Variants in RHBDF2 observed in about 807,000 individuals in gnomAD.
The protein encoded by RHBDF2 is inactive rhomboid protein 2.
In RHBDF2, 38 loss-of-function variants were observed where a neutral mutation model predicts 95.2. The ratio of observed to expected loss-of-function variants is 0.40; its 90% CI spans 0.31 to 0.52. The LOEUF is 0.52. Among genes scored for constraint, RHBDF2 ranks in the 20% least tolerant of loss-of-function variants. RHBDF2 has a pLI of 0.56. For missense variants in RHBDF2, 863 were observed against 1,137.7 expected (o/e 0.76, Z 3.47); for synonymous variants, 442 against 462.0 (o/e 0.96, Z 0.55).
intron 3 of RHBDF2, 152 bp from the exon 4 acceptor site, chr17:76,480,006 AATGTGTGTGTGT>A: frequency 1.7e-6 from 1 of 598,228 alleles, no homozygotes; most frequent in Non-Finnish European, 2.5e-6. Context: ...ATATATATAT[AATGTGTGTGTGT>A]GTGTGTGTGT....
intron 2 of RHBDF2, among the ~76,000 whole-genome samples, chr17:76,486,077 T>TACACAC (rs57942849): frequency 0.032 from 4,670 of 144,830 alleles, 82 homozygotes; most frequent in East Asian, 0.065. Flanking sequence ...TATATATATG[T>TACACAC]ACACACACAC....
intron 2 of RHBDF2, among the ~76,000 whole-genome samples, chr17:76,486,439 G>A (rs532645756): frequency 6.6e-6 from 1 of 152,280 alleles, no homozygotes; most frequent in South Asian, 2.1e-4. Flanking sequence ...AAGGTTGGGA[G>A]CGGTGGTTCA....
chr17:76,484,633 T>C (rs4789302), intron 2 of RHBDF2, among the ~76,000 whole-genome samples: 90,718 of 151,702 alleles, frequency 0.6, 27,579 homozygotes, highest in Middle Eastern at 0.75. Context: ...CCCAAAAGCA[T>C]AGATCACACC....
In RHBDF2 at chr17:76,477,000, G is replaced by A. The variant is rs762459842; in HGVS notation, c.945C>T (p.Val315=). The change falls in exon 9 of 19, where the codon GTC becomes GTT. Residue 315 remains valine, a synonymous_variant. Coordinates refer to ENST00000675367, the MANE Select transcript of RHBDF2 (RefSeq NM_001005498.4). ...IPLKEYGRAP[V]PGPRRGKRIA... ...TGCGCTTGCCGCGCCGGGGCCCGGG[G>A]ACTGGGGCTCGGCCATACTCCTTCC... The A allele has an allele frequency of 2.5e-6, 4 of 1,613,840 alleles. No individual in the cohort carries two copies. The highest frequency in any genetic ancestry group is 2.2e-5 in the East Asian group (1 of 44,882).
At chr17:76,488,688 C>T (rs1342762686) in intron 1 of RHBDF2, among the ~76,000 whole-genome samples, 1 of 152,112 alleles carries the variant, frequency 6.6e-6, no homozygotes, top group East Asian at 1.9e-4. Flanking sequence ...GTGGCTCACG[C>T]CTGTAATCCC....
intron 1 of RHBDF2, among the ~76,000 whole-genome samples, chr17:76,492,216 A>C (rs556525980): frequency 7.8e-4 from 118 of 152,218 alleles, no homozygotes; most frequent in African/African-American, 2.6e-3. Context: ...GGAAATCCTG[A>C]AAAAAAGTGA....
intron 1 of RHBDF2, among the ~76,000 whole-genome samples, chr17:76,496,915 C>T (rs1185694572): frequency 6.6e-6 from 1 of 152,186 alleles, no homozygotes; most frequent in African/African-American, 2.4e-5. Context: ...GTGCATGCCA[C>T]CACACCTGGC....
Position 76,481,413 on chromosome 17 carries a change from T to C in RHBDF2, c.112A>G (p.Thr38Ala). 1 of 1,612,526 alleles carries C rather than the reference T, an allele frequency of 6.2e-7. No homozygotes were observed. Among genetic ancestry groups the C allele is most frequent in the Non-Finnish European group, 8.5e-7 (1 of 1,179,930 alleles). The change falls in exon 3 of 19, where the codon ACC (threonine) becomes GCC (alanine). Residue 38 changes from threonine to alanine, a missense_variant. Physicochemically the swap from Thr to Ala is moderately conservative, Grantham distance 58. Coordinates refer to ENST00000675367, the MANE Select transcript of RHBDF2 (RefSeq NM_001005498.4). Reference sequence around the variant, plus strand: ...CTGTCCTGCTCGCCAGGGGCCTGGGTCTCTTTCTCGGGTGGCGGGATGGTG... The same window carrying C: ...CTGTCCTGCTCGCCAGGGGCCTGGGCCTCTTTCTCGGGTGGCGGGATGGTG... ...SITIPPPEKETQAPGEQDSML... is the reference protein window; with the variant it reads ...SITIPPPEKEAQAPGEQDSML...
intron 1 of RHBDF2, among the ~76,000 whole-genome samples, chr17:76,498,025 G>A (rs1314902216): frequency 2.0e-5 from 3 of 152,170 alleles, no homozygotes; most frequent in Admixed American, 6.5e-5. Flanking sequence ...CTGGGCGCCC[G>A]GATACATTTG....
chr17:76,499,963 A>C (rs2144505424), intron 1 of RHBDF2, among the ~76,000 whole-genome samples: 1 of 152,130 alleles, frequency 6.6e-6, no homozygotes, highest in East Asian at 1.9e-4. Flanking sequence ...GCCAGTGGAG[A>C]TTGGGAAAGG....
chr17:76,476,933 G>A lies in RHBDF2; in HGVS notation c.1012C>T (p.Arg338Trp). Reference protein sequence around the residue: ...VKHFAFDRKKRHYGLGVVGNW... With the variant: ...VKHFAFDRKKWHYGLGVVGNW... ...CCCACCACGCCGAGGCCGTAGTGCCGCTTCTTCCGATCAAAGGCAAAGTGC... is the reference window on the plus strand; with the variant it reads ...CCCACCACGCCGAGGCCGTAGTGCCACTTCTTCCGATCAAAGGCAAAGTGC... Residue 338 changes from arginine (R) to tryptophan (W), a missense_variant, in exon 9 of 19, where the codon CGG becomes TGG. This residue lies in a region of RHBDF2 where 611 missense variants were observed against 725.5 expected (regional missense o/e 0.84). Transcript: ENST00000675367. 2 of 1,613,884 alleles carry A rather than the reference G, an allele frequency of 1.2e-6. No individual in the cohort carries two copies. The highest frequency in any genetic ancestry group is 1.7e-6 in the Non-Finnish European group (2 of 1,180,018).
At chr17:76,477,844 C>T in intron 6 of RHBDF2, 59 bp from the exon 7 acceptor site, 2 of 1,586,060 alleles carry the variant, frequency 1.3e-6, no homozygotes, top group Non-Finnish European at 1.7e-6. Flanking sequence ...AGGCCCCCAG[C>T]CCCAACACCG....
intron 1 of RHBDF2, among the ~76,000 whole-genome samples, chr17:76,496,909 A>G (rs554852331): frequency 1.3e-5 from 2 of 152,230 alleles, no homozygotes; most frequent in African/African-American, 2.4e-5. Context: ...CTACAGGTGC[A>G]TGCCACCACA....
chr17:76,473,488 C>T (rs1252208794), intron 15 of RHBDF2, among the ~76,000 whole-genome samples, 160 bp downstream of exon 15: 2 of 152,218 alleles, frequency 1.3e-5, no homozygotes, highest in African/African-American at 4.8e-5. Context: ...TCCTCCAGCT[C>T]GCACCATGGG....
chr17:76,490,970 T>C (rs2074282684), intron 1 of RHBDF2, among the ~76,000 whole-genome samples: 1 of 152,032 alleles, frequency 6.6e-6, no homozygotes, highest in Admixed American at 6.5e-5. Context: ...TGAGCCCTCA[T>C]CAATGGCTAA....
intron 2 of RHBDF2, among the ~76,000 whole-genome samples, chr17:76,486,415 T>C (rs985835245): frequency 6.6e-6 from 1 of 152,124 alleles, no homozygotes; most frequent in African/African-American, 2.4e-5. Flanking sequence ...TCTGTGAATA[T>C]ATCAAAATCA....
chr17:76,477,928 T>G, intron 6 of RHBDF2, 143 bp from the exon 7 acceptor site: 1 of 1,330,852 alleles, frequency 7.5e-7, no homozygotes, highest in Non-Finnish European at 1.0e-6. Context: ...GTGGAGATTC[T>G]GCAAGCTGAA....
intron 1 of RHBDF2, among the ~76,000 whole-genome samples, chr17:76,500,701 C>T (rs2144512082): frequency 6.6e-6 from 1 of 152,310 alleles, no homozygotes; most frequent in East Asian, 1.9e-4. Flanking sequence ...CCCTAGGGAA[C>T]TTATCCGTCT....
At chr17:76,482,084 C>T (rs1206538305) in intron 2 of RHBDF2, among the ~76,000 whole-genome samples, 4 of 151,600 alleles carry the variant, frequency 2.6e-5, no homozygotes, top group African/African-American at 9.7e-5. Context: ...GGAGTGAGGT[C>T]TATTTCTGAC....
Sources: gnomAD v4.1 joint callset for allele counts (sites outside exome capture counted in the v4.1 genomes callset) on GRCh38, gnomAD v4.1.1 for gene constraint, gnomAD v4.1.1 regional missense constraint, MANE v1.5 for transcripts, NCBI Gene and HGNC (gene_info 2026-07-23, HGNC 2026-07-21) for gene names.